The following POP4 variants were observed in gnomAD, a reference collection of about 807,000 sequenced individuals.
POP4 encodes the protein POP4 ribonuclease P/MRP subunit.
POP4 carries 31 observed loss-of-function variants against 29.9 expected under a neutral mutation model. That is an observed-to-expected ratio of 1.04 (90% CI 0.78 to 1.40). The LOEUF (loss-of-function observed/expected upper bound fraction) is 1.40, where lower values mean the gene tolerates loss of function less well. Ranked by LOEUF, POP4 falls within the 40% of genes most tolerant of loss-of-function variation. The pLI is 0.00. For synonymous variants in POP4, 110 were observed against 108.2 expected (o/e 1.02, Z -0.10); for missense variants, 286 against 282.7 (o/e 1.01, Z -0.08).
chr19:29,615,533 G>A lies in POP4; in HGVS notation c.*153G>A, dbSNP rs1267009608. The A allele has an allele frequency of 6.6e-6, 5 of 755,760 alleles. No homozygotes were observed. In the East Asian group the frequency reaches 8.2e-5, roughly 12 times the overall value. The allele number at this position is 755,760 out of a possible 1,614,324, so 46.8% of individuals were successfully genotyped here. On this transcript the variant is annotated 3_prime_UTR_variant, in exon 7 of 7. Transcript: ENST00000585603. ...GAGTTGAGGATGTTGAACAACATGG[G>A]AAGGTCGCAGCGTACTAAGTGAAGA...
intron 6 of POP4, among the ~76,000 whole-genome samples, chr19:29,614,667 C>A (rs929987463): frequency 6.6e-6 from 1 of 152,062 alleles, no homozygotes; most frequent in Non-Finnish European, 1.5e-5. Flanking sequence ...CCACGCCCGG[C>A]TAATTTTTGT....
Position 29,612,159 on chromosome 19 carries a change from T to C in POP4, c.405T>C (p.Leu135=). The C allele has an allele frequency of 6.2e-7, 1 of 1,610,484 alleles. No individual in the cohort carries two copies. The highest frequency in any genetic ancestry group is 8.5e-7 in the Non-Finnish European group (1 of 1,178,958). ...MIQAKLLKAD[L]HGAIISVTKS... ...AGGCCAAGCTCTTAAAGGCAGATCT[T>C]CACGGGGCTATTATTTCAGGTAATT... The change falls in exon 5 of 7, where the codon CTT becomes CTC. Residue 135 remains leucine (L), a synonymous_variant. Coordinates refer to ENST00000585603, the MANE Select transcript of POP4 (RefSeq NM_006627.3).
In POP4 at chr19:29,616,887, C is replaced by T. The variant is rs1421095537; in HGVS notation, c.*1507C>T. ...CTTGTGGTGTGGCCGTCCTCATCTG[C>T]CACAGGAAGACAGACTTCGAGGGAC... On this transcript the variant is annotated 3_prime_UTR_variant, in exon 7 of 7. Transcript: ENST00000585603. 1.3e-5 allele frequency: 2 copies of T among 152,334 alleles called. No homozygotes were observed. The highest frequency in any genetic ancestry group is 2.9e-5 in the Non-Finnish European group (2 of 68,128). The allele number at this position is 152,334 out of a possible 1,614,324, so 9.4% of individuals were successfully genotyped here.
intron 5 of POP4, 152 bp from the exon 6 acceptor site, chr19:29,613,719 C>A: frequency 8.4e-7 from 1 of 1,186,592 alleles, no homozygotes; most frequent in Non-Finnish European, 1.1e-6. Context: ...CATCAGGGCC[C>A]AGCTGTTGAG....
At chr19:29,613,758 C>G in intron 5 of POP4, 113 bp from the exon 6 acceptor site, 1 of 1,478,026 alleles carries the variant, frequency 6.8e-7, no homozygotes, top group Non-Finnish European at 9.0e-7. Flanking sequence ...TCTGTTCTTT[C>G]ATCTGCTAGC....
intron 6 of POP4, among the ~76,000 whole-genome samples, chr19:29,614,213 G>A (rs1174855773): frequency 6.6e-6 from 1 of 152,352 alleles, no homozygotes; most frequent in Non-Finnish European, 1.5e-5. Flanking sequence ...AGGAAGACCT[G>A]CTCGGCTGTG....
At chr19:29,611,960 T>G in intron 4 of POP4, 21 bp downstream of exon 4, 3 of 1,610,150 alleles carry the variant, frequency 1.9e-6, no homozygotes, top group Non-Finnish European at 2.6e-6. Flanking sequence ...TTCCTGAAGC[T>G]TTGCTCTTTG....
chr19:29,608,430 C>A (rs1326158016), intron 1 of POP4, among the ~76,000 whole-genome samples: 1 of 151,942 alleles, frequency 6.6e-6, no homozygotes, highest in African/African-American at 2.4e-5. Context: ...CCATCCCCGG[C>A]TAATTTTTGT....
chr19:29,610,337 G>A (rs1568294272), intron 2 of POP4, 72 bp from the exon 3 acceptor site: 11 of 1,381,606 alleles, frequency 8.0e-6, no homozygotes, highest in East Asian at 2.5e-5. Flanking sequence ...CGGGAATGGC[G>A]GGCGGGATGC....
In POP4 at chr19:29,608,675, T is replaced by G; in HGVS notation, c.26T>G (p.Leu9Trp). Reference sequence around the variant, plus strand: ...CCCCCAGGTGTGATCTACCATGCATTGTCTCAGAAAGAGGCGAATGACTCC... The same window carrying G: ...CCCCCAGGTGTGATCTACCATGCATGGTCTCAGAAAGAGGCGAATGACTCC... MKSVIYHA[L>W]SQKEANDSDV... Residue 9 changes from leucine to tryptophan, a missense_variant, in exon 2 of 7, where the codon TTG (leucine) becomes TGG (tryptophan). Coordinates refer to ENST00000585603, the MANE Select transcript of POP4 (RefSeq NM_006627.3). 1.2e-6 allele frequency: 2 copies of G among 1,613,956 alleles called. No individual in the cohort carries two copies. Among genetic ancestry groups the G allele is most frequent in the Non-Finnish European group, 1.7e-6 (2 of 1,179,858 alleles).
chr19:29,615,106 C>T, intron 6 of POP4, 138 bp from the exon 7 acceptor site: 2 of 1,043,256 alleles, frequency 1.9e-6, no homozygotes, highest in Non-Finnish European at 2.6e-6. Context: ...ATGCCCCTCC[C>T]CTTGTGGGTT....
chr19:29,613,908 A>G lies in POP4; in HGVS notation c.462A>G (p.Thr154=), dbSNP rs1336586421. 9 of 1,613,948 alleles carry G rather than the reference A, an allele frequency of 5.6e-6. No homozygotes were observed. The Admixed American group carries it at 1.3e-4, about 24-fold the overall frequency. The change falls in exon 6 of 7, where the codon ACA becomes ACG. Residue 154 remains threonine (T), a synonymous_variant. Coordinates refer to ENST00000585603, the MANE Select transcript of POP4 (RefSeq NM_006627.3). ...AATGCCCCTCTTATGTGGGTATTAC[A>G]GGAATCCTTCTACAGGAAACAAAGC... The part of the protein sequence containing the change: ...KSKCPSYVGI[T]GILLQETKHI...
intron 4 of POP4, 73 bp from the exon 5 acceptor site, chr19:29,612,044 G>A (rs8103310): frequency 0.067 from 106,562 of 1,585,412 alleles, 4,295 homozygotes; most frequent in South Asian, 0.15. Flanking sequence ...GGCTGCAGAC[G>A]GTTAAAGACC....
At chr19:29,613,820 TC>T in intron 5 of POP4, 50 bp from the exon 6 acceptor site, 1 of 1,557,358 alleles carries the variant, frequency 6.4e-7, no homozygotes, top group Non-Finnish European at 8.6e-7. Context: ...TCTCTGTGGT[TC>T]CCCCAGCACC....
chr19:29,612,275 T>C, intron 5 of POP4, 97 bp downstream of exon 5: 1 of 1,169,380 alleles, frequency 8.6e-7, no homozygotes, highest in South Asian at 1.5e-5. Flanking sequence ...ACACACTCTT[T>C]ACCGTGTGGA....
rs1387963787 is a variant in POP4 at position 29,615,225 on chromosome 19, T to C, written c.527-19T>C. The C allele has an allele frequency of 2.3e-5, 11 of 478,056 alleles. No individual in the cohort carries two copies. The highest frequency in any genetic ancestry group is 3.4e-5 in the South Asian group (1 of 29,480). The allele number at this position is 478,056 out of a possible 1,614,324, so 29.6% of individuals were successfully genotyped here. ...TTCCTCATCTTTTTTTCTCCTGCCT[T>C]TTTTTTTTTTTTTTTCAGTTATCCC... On this transcript the variant is annotated intron_variant, in intron 6 of 6. Coordinates refer to ENST00000585603, the MANE Select transcript of POP4 (RefSeq NM_006627.3).
chr19:29,608,760 G>T, intron 2 of POP4, 51 bp downstream of exon 2: 1 of 1,538,256 alleles, frequency 6.5e-7, no homozygotes, highest in Non-Finnish European at 9.0e-7. Context: ...GGCAAAGATG[G>T]CTCAGTAGCT....
intron 1 of POP4, 131 bp from the exon 2 acceptor site, chr19:29,608,526 T>C (rs1340496456): frequency 4.6e-6 from 4 of 868,034 alleles, no homozygotes; most frequent in Non-Finnish European, 7.2e-6. Context: ...CGCCTTGGCC[T>C]CCCAAAGTGC....
At position 29,615,264 on chromosome 19, in the gene POP4, G is replaced by A. The variant is rs753961498; in HGVS notation, c.547G>A (p.Val183Met). ...TTCAGTTATCCCCAAGCTAAACTGC[G>A]TGTTCACTGTGGAAACCGATGGCTT... ...RLKVIPKLNCVFTVETDGFIS... is the reference protein window; with the variant it reads ...RLKVIPKLNCMFTVETDGFIS... Residue 183 changes from valine (V) to methionine (M), a missense_variant, in exon 7 of 7, where the codon GTG (valine) becomes ATG (methionine). By Grantham distance (21) the Val-to-Met change is conservative. Coordinates refer to ENST00000585603, the MANE Select transcript of POP4 (RefSeq NM_006627.3). 5.0e-5 allele frequency: 77 copies of A among 1,547,070 alleles called. No individual in the cohort carries two copies. Among genetic ancestry groups the A allele is most frequent in the South Asian group, 7.0e-5 (6 of 85,182 alleles).
Sources: allele counts gnomAD v4.1 joint callset (sites outside exome capture counted in the v4.1 genomes callset), GRCh38; gene constraint gnomAD v4.1.1; transcripts MANE v1.5; gene names NCBI Gene and HGNC (gene_info 2026-07-23, HGNC 2026-07-21).